Variants in EML6 observed in about 807,000 individuals in gnomAD.
EML6 encodes echinoderm microtubule-associated protein-like 6.
In EML6, 154 loss-of-function variants were observed where a neutral mutation model predicts 240.1. The observed-to-expected ratio is 0.64, with a 90% confidence interval of 0.56 to 0.73. The LOEUF (loss-of-function observed/expected upper bound fraction) is 0.73, where lower values mean the gene tolerates loss of function less well. Among genes scored for constraint, EML6 ranks in the 30% least tolerant of loss-of-function variants. The probability of loss-of-function intolerance (pLI) is 0.00; values close to 1 mark genes in which losing one functional copy is unlikely to be tolerated. For synonymous variants in EML6, 1,148 were observed against 899.0 expected (o/e 1.28, Z -4.95); for missense variants, 2,964 against 2,474.6 (o/e 1.20, Z -4.20).
At chr2:54,766,573 T>C (rs574345146) in intron 2 of EML6, among the ~76,000 whole-genome samples, 10 of 152,290 alleles carry the variant, frequency 6.6e-5, no homozygotes, top group Non-Finnish European at 1.0e-4. Context: ...TTAACTTTGG[T>C]CACTTGGTTT....
At chr2:54,890,702 A>C (rs975616193) in intron 17 of EML6, among the ~76,000 whole-genome samples, 1 of 152,192 alleles carries the variant, frequency 6.6e-6, no homozygotes, top group African/African-American at 2.4e-5. Context: ...AGAGAAGTCA[A>C]TACTATCTCT....
In EML6 at chr2:54,813,299, A is replaced by G; in HGVS notation, c.265A>G (p.Ile89Val). 6.4e-7 allele frequency: 1 copy of G among 1,550,734 alleles called. No homozygotes were observed. Among genetic ancestry groups the G allele is most frequent in the Non-Finnish European group, 8.7e-7 (1 of 1,146,058 alleles). ...AGTCGGGAAGGAGCCATATATATGCATATGGGATTCCTATAATGTCCAGAC... is the reference window on the plus strand; with the variant it reads ...AGTCGGGAAGGAGCCATATATATGCGTATGGGATTCCTATAATGTCCAGAC... ...GQVGKEPYIC[I>V]WDSYNVQTVS... The change falls in exon 3 of 42, where the codon ATA becomes GTA. Residue 89 changes from isoleucine to valine, a missense_variant. Ile to Val is a conservative substitution (Grantham distance 29). Coordinates refer to ENST00000356458, the MANE Select transcript of EML6 (RefSeq NM_001039753.4).
intron 2 of EML6, among the ~76,000 whole-genome samples, chr2:54,742,113 A>G (rs1372398609): frequency 6.6e-6 from 1 of 152,224 alleles, no homozygotes; most frequent in Non-Finnish European, 1.5e-5. Flanking sequence ...TTTAGTCTCC[A>G]GAATTTCTGC....
chr2:54,856,630 G>A (rs760094187), intron 11 of EML6, among the ~76,000 whole-genome samples: 2 of 152,206 alleles, frequency 1.3e-5, no homozygotes, highest in African/African-American at 2.4e-5. Context: ...CAGTGCAGAA[G>A]CAGGAAGGCC....
At chr2:54,914,557 GAAGAGTT>G (rs57180107) in intron 25 of EML6, among the ~76,000 whole-genome samples, 134,791 of 151,568 alleles carry the variant, frequency 0.89, 59,959 homozygotes, top group Admixed American at 0.9. Context: ...CTCTTGCTCT[GAAGAGTT>G]AAGAGTTAAT....
At chr2:54,911,742 A>G (rs570850473) in intron 25 of EML6, among the ~76,000 whole-genome samples, 2 of 152,294 alleles carry the variant, frequency 1.3e-5, no homozygotes, top group African/African-American at 4.8e-5. Flanking sequence ...CAGCCTGGAA[A>G]TTATTTTTTG....
chr2:54,835,284 G>A (rs1669081598), intron 7 of EML6, among the ~76,000 whole-genome samples: 2 of 152,190 alleles, frequency 1.3e-5, no homozygotes, highest in Admixed American at 6.5e-5. Context: ...TTCCACAAAG[G>A]TAGGGATCTT....
intron 4 of EML6, 113 bp downstream of exon 4, chr2:54,816,998 C>A: frequency 1.5e-6 from 1 of 668,446 alleles, no homozygotes; most frequent in South Asian, 1.9e-5. Flanking sequence ...TACATTTTTT[C>A]CTATTAAACT....
chr2:54,966,850 C>G, intron 38 of EML6, 150 bp from the exon 39 acceptor site: 2 of 552,152 alleles, frequency 3.6e-6, no homozygotes, highest in Non-Finnish European at 6.7e-6. Flanking sequence ...ATGGGCTGGC[C>G]ATAGGCTTTG....
Position 54,859,604 on chromosome 2 carries a change from G to A in EML6, c.1728G>A (p.Gln576=). ...VTNVRWSHDF[Q]WVLSTGGADH... The stretch of plus-strand genomic sequence containing the variant: ...ATGTCCGCTGGTCCCATGACTTTCA[G>A]TGGGTGTTGAGCACAGGAGGGGCTG... Residue 576 remains glutamine, a synonymous_variant, in exon 12 of 42, where the codon CAG becomes CAA. Transcript: ENST00000356458. 2.6e-6 allele frequency: 4 copies of A among 1,551,464 alleles called. No homozygotes were observed. In the South Asian group the frequency reaches 4.8e-5, roughly 18 times the overall value.
chr2:54,869,159 A>G, intron 14 of EML6, 22 bp from the exon 15 acceptor site: 1 of 1,521,778 alleles, frequency 6.6e-7, no homozygotes, highest in South Asian at 1.2e-5. Flanking sequence ...ACCACTATGC[A>G]TTTCTTGGAC....
Position 54,904,908 on chromosome 2 carries a change from G to A in EML6, c.3409+1406G>A, listed in dbSNP as rs139316704. 2.1e-3 allele frequency among the ~76,000 whole-genome samples: 320 copies of A among 152,292 alleles called. 2 individuals are homozygous for A. Among genetic ancestry groups the A allele is most frequent in the African/African-American group, 7.2e-3 (299 of 41,554 alleles). ...GACTTGGAAACCCTTCTGCCTGGCAGGTATTTAGTTGTAACTATACTTGCC... is the reference window on the plus strand; with the variant it reads ...GACTTGGAAACCCTTCTGCCTGGCAAGTATTTAGTTGTAACTATACTTGCC... On this transcript the variant is annotated intron_variant, in intron 24 of 41. Coordinates refer to ENST00000356458, the MANE Select transcript of EML6 (RefSeq NM_001039753.4).
chr2:54,968,203 C>T lies in EML6; in HGVS notation c.5673C>T (p.Thr1891=). 1 of 1,551,654 alleles carries T rather than the reference C, an allele frequency of 6.4e-7. No individual in the cohort carries two copies. ...CTGATGTCAACTGCGCATGTGTGAC[C>T]CACGCTGGCCTGAACATTGTCACAG... ...DKADVNCACV[T]HAGLNIVTGD... is the part of the protein sequence containing the mutation. Residue 1891 remains threonine, a synonymous_variant, in exon 40 of 42, where the codon ACC becomes ACT. Transcript: ENST00000356458.
intron 11 of EML6, among the ~76,000 whole-genome samples, chr2:54,856,748 A>G (rs1370734542): frequency 1.3e-5 from 2 of 152,222 alleles, no homozygotes; most frequent in Non-Finnish European, 2.9e-5. Flanking sequence ...TAGAAATCAG[A>G]GTCGTCTTCT....
At chr2:54,821,108 G>C (rs79490975) in intron 5 of EML6, among the ~76,000 whole-genome samples, 3,677 of 152,148 alleles carry the variant, frequency 0.024, 145 homozygotes, top group African/African-American at 0.084. Flanking sequence ...CTATAGGATC[G>C]TAAATAATGT....
chr2:54,735,501 A>G (rs1012744521), intron 2 of EML6, among the ~76,000 whole-genome samples: 1 of 152,222 alleles, frequency 6.6e-6, no homozygotes, highest in African/African-American at 2.4e-5. Context: ...CTTCTTTTTT[A>G]AGAGAATATT....
At position 54,925,270 on chromosome 2, in the gene EML6, A is replaced by G. The variant is rs547964592; in HGVS notation, c.3676-3043A>G. 1.2e-4 allele frequency among the ~76,000 whole-genome samples: 19 copies of G among 152,264 alleles called. No homozygotes were observed. The South Asian group carries it at 1.7e-3, about 13-fold the overall frequency. On this transcript the variant is annotated intron_variant, in intron 26 of 41. Transcript: ENST00000356458. ...GCCAGGAAGAGAGCCCGCACCAGGA[A>G]CCAAATTGGCCAGCACCTTCATCTT...
intron 28 of EML6, among the ~76,000 whole-genome samples, chr2:54,942,476 C>T (rs1675480437): frequency 6.6e-6 from 1 of 152,020 alleles, no homozygotes; most frequent in South Asian, 2.1e-4. Context: ...TGTTGATCTG[C>T]CTCCTGTCAA....
At chr2:54,745,266 C>T (rs1278590780) in intron 2 of EML6, among the ~76,000 whole-genome samples, 1 of 152,086 alleles carries the variant, frequency 6.6e-6, no homozygotes, top group Non-Finnish European at 1.5e-5. Context: ...AGGGTAACTT[C>T]CCAAGGAGGG....
Sources: allele counts gnomAD v4.1 joint callset (sites outside exome capture counted in the v4.1 genomes callset), GRCh38; gene constraint gnomAD v4.1.1; transcripts MANE v1.5; gene names NCBI Gene and HGNC (gene_info 2026-07-23, HGNC 2026-07-21).